Variants in TOX2 observed in about 807,000 individuals in gnomAD.
The protein encoded by TOX2 is TOX high mobility group box family member 2.
In TOX2, 15 loss-of-function variants were observed where a neutral mutation model predicts 47.4. The ratio of observed to expected loss-of-function variants is 0.32; its 90% CI spans 0.21 to 0.49. TOX2 has a LOEUF of 0.49. Ranked by LOEUF, TOX2 falls within the 20% of genes least tolerant of loss-of-function variation. The probability of loss-of-function intolerance (pLI) is 0.99; values close to 1 mark genes in which losing one functional copy is unlikely to be tolerated. For synonymous variants in TOX2, 290 were observed against 296.6 expected (o/e 0.98, Z 0.23); for missense variants, 622 against 673.1 (o/e 0.92, Z 0.84).
At chr20:43,988,446 C>G (rs1388120256) in intron 2 of TOX2, among the ~76,000 whole-genome samples, 2 of 152,204 alleles carry the variant, frequency 1.3e-5, no homozygotes, top group African/African-American at 4.8e-5. Flanking sequence ...GCACATTGAG[C>G]ATTGCTGTGT....
intron 2 of TOX2, among the ~76,000 whole-genome samples, chr20:43,980,401 T>A (rs1036467193): frequency 6.6e-6 from 1 of 152,020 alleles, no homozygotes; most frequent in African/African-American, 2.4e-5. Flanking sequence ...AGGGGGGACA[T>A]GGGGATGATT....
At chr20:44,034,122 C>T (rs756360870) in intron 3 of TOX2, among the ~76,000 whole-genome samples, 2 of 152,210 alleles carry the variant, frequency 1.3e-5, no homozygotes, top group African/African-American at 2.4e-5. Flanking sequence ...AGGCTCCAGG[C>T]AGCTTGCAGA....
chr20:44,015,954 G>A (rs1223366529), intron 3 of TOX2, among the ~76,000 whole-genome samples: 1 of 152,032 alleles, frequency 6.6e-6, no homozygotes, highest in Non-Finnish European at 1.5e-5. Context: ...ACGCAGGCTG[G>A]TTTTCTGTGA....
intron 8 of TOX2, among the ~76,000 whole-genome samples, chr20:44,067,846 C>A (rs559039289): frequency 1.6e-4 from 25 of 152,320 alleles, no homozygotes; most frequent in Admixed American, 1.0e-3. Flanking sequence ...GCAGCCACAC[C>A]TGGGGGACGT....
chr20:43,930,097 G>A (rs1288707837), intron 1 of TOX2, among the ~76,000 whole-genome samples: 1 of 152,198 alleles, frequency 6.6e-6, no homozygotes, highest in Non-Finnish European at 1.5e-5. Context: ...AGAAGCAATA[G>A]GCTCATGCTT....
chr20:44,042,299 C>T (rs1410621651), intron 3 of TOX2, among the ~76,000 whole-genome samples: 1 of 152,234 alleles, frequency 6.6e-6, no homozygotes, highest in Non-Finnish European at 1.5e-5. Flanking sequence ...TTGGGTCCCT[C>T]CCACAACATG....
Position 43,915,317 on chromosome 20 carries a change from C to A in TOX2, c.99+327C>A, listed in dbSNP as rs905306183. Among the ~76,000 whole-genome samples the A allele has an allele frequency of 1.3e-5, 2 of 152,186 alleles. No individual in the cohort carries two copies. Among genetic ancestry groups the A allele is most frequent in the African/African-American group, 4.8e-5 (2 of 41,452 alleles). Reference sequence around the variant, plus strand: ...CACTGCTTACACGGTCCCGCCGTCCCACGCAAGTCACCCTGACAGTCACTT... The same window carrying A: ...CACTGCTTACACGGTCCCGCCGTCCAACGCAAGTCACCCTGACAGTCACTT... On this transcript the variant is annotated intron_variant, in intron 1 of 8. Transcript: ENST00000341197. The surrounding 1 kb of genome is among the most constrained non-coding windows in gnomAD (Gnocchi z 7.1).
intron 2 of TOX2, among the ~76,000 whole-genome samples, chr20:44,003,720 AG>A (rs2070627406): frequency 6.6e-6 from 1 of 152,200 alleles, no homozygotes; most frequent in African/African-American, 2.4e-5. Context: ...TGGAGAGATG[AG>A]TAGGAACTAA....
At chr20:43,942,098 A>G (rs915968172) in intron 1 of TOX2, among the ~76,000 whole-genome samples, 3 of 152,196 alleles carry the variant, frequency 2.0e-5, no homozygotes, top group Non-Finnish European at 4.4e-5. Context: ...TGCAAGTGTG[A>G]GGATTAAATG....
chr20:44,023,650 C>T (rs951567284), intron 3 of TOX2, among the ~76,000 whole-genome samples: 5 of 152,178 alleles, frequency 3.3e-5, no homozygotes, highest in South Asian at 2.1e-4. Flanking sequence ...ACTGACTGGG[C>T]GTGACCACAG....
chr20:44,055,654 G>A (rs913243405), intron 5 of TOX2, among the ~76,000 whole-genome samples: 1 of 152,162 alleles, frequency 6.6e-6, no homozygotes, highest in African/African-American at 2.4e-5. Context: ...TGGAACGGCA[G>A]CATAAGGCAG....
At chr20:44,052,685 G>T (rs1276579086) in intron 4 of TOX2, among the ~76,000 whole-genome samples, 1 of 152,186 alleles carries the variant, frequency 6.6e-6, no homozygotes, top group Admixed American at 6.5e-5. Flanking sequence ...GTCCTATAGG[G>T]CAGGGACTGT....
chr20:44,053,634 A>G (rs1156505725), intron 4 of TOX2, among the ~76,000 whole-genome samples: 11 of 150,194 alleles, frequency 7.3e-5, no homozygotes, highest in East Asian at 1.9e-4. Flanking sequence ...ACACACGTAT[A>G]TACACATATA....
Position 44,041,498 on chromosome 20 carries a change from T to G in TOX2, c.412-9808T>G, listed in dbSNP as rs150288744. On this transcript the variant is annotated intron_variant, in intron 3 of 8. Transcript: ENST00000341197. ...GGGATGCTTAGTGGCTGTCCCCATGTTTTTGCTGGTTTTTATCTAAGAATA... is the reference window on the plus strand; with the variant it reads ...GGGATGCTTAGTGGCTGTCCCCATGGTTTTGCTGGTTTTTATCTAAGAATA... Among the ~76,000 whole-genome samples the G allele has an allele frequency of 5.4e-3, 818 of 152,264 alleles. 4 individuals carry two copies. The highest frequency in any genetic ancestry group is 0.038 in the Middle Eastern group (11 of 292).
intron 2 of TOX2, among the ~76,000 whole-genome samples, chr20:44,001,125 C>A (rs1032803628): frequency 2.6e-5 from 4 of 152,140 alleles, no homozygotes; most frequent in Non-Finnish European, 5.9e-5. Context: ...CTTAGCATCT[C>A]TTTCTATATT....
At chr20:43,927,968 T>C (rs2069199635) in intron 1 of TOX2, among the ~76,000 whole-genome samples, 1 of 152,100 alleles carries the variant, frequency 6.6e-6, no homozygotes, top group Non-Finnish European at 1.5e-5. Context: ...GTAAGCATTA[T>C]GTTGAAGTAG....
At chr20:43,927,761 C>T (rs1351564455) in intron 1 of TOX2, among the ~76,000 whole-genome samples, 10 of 124,624 alleles carry the variant, frequency 8.0e-5, no homozygotes, top group African/African-American at 3.3e-4. Flanking sequence ...CCTTCCTTCC[C>T]TCCCTCCCTC....
intron 1 of TOX2, among the ~76,000 whole-genome samples, chr20:43,935,261 G>T (rs1307884171): frequency 6.6e-6 from 1 of 152,148 alleles, no homozygotes; most frequent in Non-Finnish European, 1.5e-5. Context: ...TCAAAGCTGG[G>T]AACATCCAAC....
chr20:43,959,342 T>C (rs2069719226), intron 1 of TOX2, among the ~76,000 whole-genome samples: 1 of 152,214 alleles, frequency 6.6e-6, no homozygotes, highest in Admixed American at 6.5e-5. Flanking sequence ...AAGGCCGACG[T>C]TGAGACAGCG....
Sources: allele counts gnomAD v4.1 joint callset (sites outside exome capture counted in the v4.1 genomes callset), GRCh38; gene constraint gnomAD v4.1.1; non-coding constraint Gnocchi (gnomAD v3.1); transcripts MANE v1.5; gene names NCBI Gene and HGNC (gene_info 2026-07-23, HGNC 2026-07-21).